The following PCDHGB4 variants were observed in gnomAD, a reference collection of about 807,000 sequenced individuals.
The protein encoded by PCDHGB4 is protocadherin gamma subfamily B, 4.
A neutral mutation model predicts 60.5 loss-of-function variants in PCDHGB4; 38 were observed. The observed-to-expected ratio is 0.63, with a 90% confidence interval of 0.48 to 0.82. The LOEUF (loss-of-function observed/expected upper bound fraction) is 0.82, where lower values mean the gene tolerates loss of function less well. Among genes scored for constraint, PCDHGB4 ranks in the 40% least tolerant of loss-of-function variants. The pLI is 0.00. For synonymous variants in PCDHGB4, 456 were observed against 509.7 expected, an observed-to-expected ratio of 0.89 and a Z score of 1.42; for missense variants, 1,109 against 1,209.6, an observed-to-expected ratio of 0.92 and a Z score of 1.23.
At chr5:141,401,485 G>A (rs2094160307) in intron 1 of PCDHGB4, among the ~76,000 whole-genome samples, 2 of 152,152 alleles carry the variant, frequency 1.3e-5, no homozygotes, top group Admixed American at 6.5e-5. Context: ...AGGTTTTCTT[G>A]GATGCAAAAT....
rs201412037 is a variant in PCDHGB4, at chr5:141,421,093, A to G, written c.2397+30812A>G. The G allele has an allele frequency of 3.5e-5, 23 of 665,630 alleles. No homozygotes were observed. In the East Asian group the frequency reaches 6.2e-4, roughly 18 times the overall value. 41.2% of individuals were successfully genotyped at this position (665,630 alleles called of 1,614,324 possible). On this transcript the variant is annotated intron_variant, in intron 1 of 3. Coordinates refer to ENST00000519479, the MANE Select transcript of PCDHGB4 (RefSeq NM_003736.4). ...GAGATGGATACTCACAGATCCTGAC[A>G]CTGGAGACTTAGAAGTATTTTCCTT... is the stretch of plus-strand genomic sequence containing the variant.
In PCDHGB4 at chr5:141,432,373, G is replaced by T; in HGVS notation, c.2397+42092G>T. ...TGAAAGTGATGGCGCGGGACAACGG[G>T]CACCCGCCCCTCAGCAGCAACGTGT... is the stretch of plus-strand genomic sequence containing the variant. On this transcript the variant is annotated intron_variant, in intron 1 of 3. Coordinates refer to ENST00000519479, the MANE Select transcript of PCDHGB4 (RefSeq NM_003736.4). This position sits in a 1 kb window ranked among gnomAD's most constrained non-coding sequence, Gnocchi z 6.0. The T allele has an allele frequency of 6.2e-7, 1 of 1,614,206 alleles. No homozygotes were observed. The highest frequency in any genetic ancestry group is 1.1e-5 in the South Asian group (1 of 91,082).
intron 1 of PCDHGB4, among the ~76,000 whole-genome samples, chr5:141,430,366 A>G (rs551419486): frequency 3.3e-5 from 5 of 150,370 alleles, no homozygotes; most frequent in Admixed American, 6.7e-5. Context: ...CTCATTGGGG[A>G]AAAAAAAGCT....
intron 2 of PCDHGB4, among the ~76,000 whole-genome samples, chr5:141,503,611 A>AG (rs992110793): frequency 6.6e-6 from 1 of 151,948 alleles, no homozygotes; most frequent in Non-Finnish European, 1.5e-5. Flanking sequence ...AAAAAAAAAA[A>AG]AAAGAAAAAA....
chr5:141,488,751 C>T (rs1185515068), intron 1 of PCDHGB4, among the ~76,000 whole-genome samples: 1 of 152,154 alleles, frequency 6.6e-6, no homozygotes, highest in Non-Finnish European at 1.5e-5. Context: ...CAGGAAGTTG[C>T]TGGGACAGAA....
chr5:141,400,501 G>A lies in PCDHGB4; in HGVS notation c.2397+10220G>A, dbSNP rs574905149. 3.4e-5 allele frequency: 55 copies of A among 1,613,996 alleles called. 1 individual carries two copies. The East Asian group carries it at 1.1e-3, about 33-fold the overall frequency. On this transcript the variant is annotated intron_variant, in intron 1 of 3. Coordinates refer to ENST00000519479, the MANE Select transcript of PCDHGB4 (RefSeq NM_003736.4). ...CTTATTTCCACTTTGTAATTCCAGC[G>A]AGTCGACTTCCCATCCTGAGTTGGT... is the stretch of plus-strand genomic sequence containing the variant.
In PCDHGB4 at chr5:141,491,492, T is replaced by G. The variant is rs763487622; in HGVS notation, c.2398-3315T>G. On this transcript the variant is annotated intron_variant, in intron 1 of 3. Coordinates refer to ENST00000519479, the MANE Select transcript of PCDHGB4 (RefSeq NM_003736.4). This position sits in a 1 kb window ranked among gnomAD's most constrained non-coding sequence, Gnocchi z 6.9. ...AAGCAGTCCAGCCCCAACCTGCAGG[T>G]GAGCTCGGACGGCACGCTCAAGTAC... 3.1e-6 allele frequency: 5 copies of G among 1,614,024 alleles called. No homozygotes were observed. The highest frequency in any genetic ancestry group is 3.4e-6 in the Non-Finnish European group (4 of 1,180,006).
At chr5:141,430,373 A>G (rs1456234962) in intron 1 of PCDHGB4, among the ~76,000 whole-genome samples, 1 of 151,170 alleles carries the variant, frequency 6.6e-6, no homozygotes, top group Non-Finnish European at 1.5e-5. Flanking sequence ...GGGAAAAAAA[A>G]GCTCATTGGG....
Position 141,489,575 on chromosome 5 carries a change from AC to A in PCDHGB4, c.2398-5227del. On this transcript the variant is annotated intron_variant, in intron 1 of 3. Coordinates refer to ENST00000519479, the MANE Select transcript of PCDHGB4 (RefSeq NM_003736.4). This position sits in a 1 kb window ranked among gnomAD's most constrained non-coding sequence, Gnocchi z 4.5. ...CTGCCAGTGCAGGTGGTGACTGAAC[AC>A]CCCCTGGAGCTAATCCGTGTAGAGG... 1 of 1,613,788 alleles carries A rather than the reference AC, an allele frequency of 6.2e-7. No individual in the cohort carries two copies. Among genetic ancestry groups the A allele is most frequent in the Middle Eastern group, 1.6e-4 (1 of 6,062 alleles).
chr5:141,436,921 C>T lies in PCDHGB4; in HGVS notation c.2397+46640C>T, dbSNP rs73794904. Among the ~76,000 whole-genome samples the T allele has an allele frequency of 9.3e-3, 1,413 of 152,246 alleles. 25 individuals carry two copies. The highest frequency in any genetic ancestry group is 0.032 in the African/African-American group (1,313 of 41,572). On this transcript the variant is annotated intron_variant, in intron 1 of 3. Coordinates refer to ENST00000519479, the MANE Select transcript of PCDHGB4 (RefSeq NM_003736.4). ...ATATGAGACAATTTTGTGAGTGTTA[C>T]TTTTTCTTTGTCTGAACCATAGTGA...
At chr5:141,484,468 C>T (rs2099596877) in intron 1 of PCDHGB4, among the ~76,000 whole-genome samples, 1 of 152,200 alleles carries the variant, frequency 6.6e-6, no homozygotes, top group South Asian at 2.1e-4. Context: ...ATGTGTAAGC[C>T]TTTTCTGCAA....
chr5:141,410,135 G>T, intron 1 of PCDHGB4: 1 of 1,612,626 alleles, frequency 6.2e-7, no homozygotes, highest in Non-Finnish European at 8.5e-7. Context: ...CCTGCTGGTC[G>T]CTGTGCGTGA....
At chr5:141,469,079 C>T (rs1169035651) in intron 1 of PCDHGB4, among the ~76,000 whole-genome samples, 1 of 151,492 alleles carries the variant, frequency 6.6e-6, no homozygotes, top group Non-Finnish European at 1.5e-5. Context: ...GAGTTTGAGA[C>T]CATTCTAGGC....
At chr5:141,503,010 A>AT (rs199924715) in intron 2 of PCDHGB4, among the ~76,000 whole-genome samples, 26,593 of 146,658 alleles carry the variant, frequency 0.18, 2,532 homozygotes, top group Admixed American at 0.29. Context: ...TGCCCGGTTA[A>AT]TTTTTTTTTT....
chr5:141,414,437 C>T (rs1422750138), intron 1 of PCDHGB4: 1 of 1,613,856 alleles, frequency 6.2e-7, no homozygotes, highest in Non-Finnish European at 8.5e-7. Flanking sequence ...CAGGTATCCT[C>T]TTACAATATC....
chr5:141,448,705 C>T (rs2098601893), intron 1 of PCDHGB4, among the ~76,000 whole-genome samples: 1 of 152,100 alleles, frequency 6.6e-6, no homozygotes, highest in Non-Finnish European at 1.5e-5. Context: ...CTTTGGGAGG[C>T]CGAGGCGGGA....
chr5:141,443,172 C>T (rs1454734622), intron 1 of PCDHGB4, among the ~76,000 whole-genome samples: 1 of 152,176 alleles, frequency 6.6e-6, no homozygotes, highest in Non-Finnish European at 1.5e-5. Flanking sequence ...CTACCCATGT[C>T]CACTGCATCA....
intron 1 of PCDHGB4, chr5:141,395,397 A>C: frequency 1.1e-6 from 1 of 895,314 alleles, no homozygotes; most frequent in Non-Finnish European, 1.6e-6. Flanking sequence ...TTGAACTCTA[A>C]TAGTCATAGG....
rs2099391747 is a variant in PCDHGB4 at position 141,476,440 on chromosome 5, G to A, written c.2398-18367G>A. Reference sequence around the variant, plus strand: ...CACTGCCCTCTTGCACTGTAACTCTGGAGTTGGTAGTGGAGAACCCGCTGG... The same window carrying A: ...CACTGCCCTCTTGCACTGTAACTCTAGAGTTGGTAGTGGAGAACCCGCTGG... On this transcript the variant is annotated intron_variant, in intron 1 of 3. Transcript: ENST00000519479. The surrounding 1 kb of genome is among the most constrained non-coding windows in gnomAD (Gnocchi z 7.6). 1.2e-6 allele frequency: 2 copies of A among 1,613,998 alleles called. No individual in the cohort carries two copies. Among genetic ancestry groups the A allele is most frequent in the African/African-American group, 2.7e-5 (2 of 74,902 alleles).
Sources: gnomAD v4.1 joint callset for allele counts (sites outside exome capture counted in the v4.1 genomes callset) on GRCh38, gnomAD v4.1.1 for gene constraint, Gnocchi (gnomAD v3.1) non-coding constraint, MANE v1.5 for transcripts, NCBI Gene and HGNC (gene_info 2026-07-23, HGNC 2026-07-21) for gene names.